The following RAB2A variants were observed in gnomAD, a reference collection of about 807,000 sequenced individuals.
RAB2A encodes ras-related protein Rab-2A.
A neutral mutation model predicts 32.5 loss-of-function variants in RAB2A; 7 were observed. The ratio of observed to expected loss-of-function variants is 0.22; its 90% CI spans 0.12 to 0.40. The LOEUF is 0.40. Ranked by LOEUF, RAB2A falls within the 10% of genes least tolerant of loss-of-function variation. RAB2A has a pLI of 1.00. For missense variants in RAB2A, 108 were observed against 260.7 expected, an observed-to-expected ratio of 0.41 and a Z score of 4.03; for synonymous variants, 79 against 85.2, an observed-to-expected ratio of 0.93 and a Z score of 0.40.
At chr8:60,532,801 C>T (rs1807497693) in intron 1 of RAB2A, among the ~76,000 whole-genome samples, 1 of 152,230 alleles carries the variant, frequency 6.6e-6, no homozygotes, top group East Asian at 1.9e-4. Context: ...TGAGCCACTG[C>T]ACTCAGCCAG....
chr8:60,550,072 C>T (rs757477554), intron 1 of RAB2A, among the ~76,000 whole-genome samples: 4 of 152,142 alleles, frequency 2.6e-5, no homozygotes, highest in Admixed American at 6.5e-5. Context: ...CACATATTCA[C>T]TTGTCTACTC....
At chr8:60,610,687 A>G (rs1804327304) in intron 6 of RAB2A, among the ~76,000 whole-genome samples, 1 of 152,156 alleles carries the variant, frequency 6.6e-6, no homozygotes, top group Admixed American at 6.5e-5. Context: ...TTTGGCCATC[A>G]TCCCCGGAAC....
In RAB2A at chr8:60,622,634, T is replaced by C. The variant is rs1483920473; in HGVS notation, c.*1865T>C. 6.6e-6 allele frequency: 1 copy of C among 152,212 alleles called. No homozygotes were observed. The highest frequency in any genetic ancestry group is 2.4e-5 in the African/African-American group (1 of 41,452). 9.4% of individuals were successfully genotyped at this position (152,212 alleles called of 1,614,324 possible). ...AGCTTCTGTTAATTTTTCCAGAAGTTTAGTGCGTTTCTTTTCCATACTTTC... is the reference window on the plus strand; with the variant it reads ...AGCTTCTGTTAATTTTTCCAGAAGTCTAGTGCGTTTCTTTTCCATACTTTC... On this transcript the variant is annotated 3_prime_UTR_variant, in exon 8 of 8. Coordinates refer to ENST00000262646, the MANE Select transcript of RAB2A (RefSeq NM_002865.3).
intron 1 of RAB2A, among the ~76,000 whole-genome samples, chr8:60,555,871 A>C (rs1029031380): frequency 6.6e-6 from 1 of 152,250 alleles, no homozygotes; most frequent in African/African-American, 2.4e-5. Flanking sequence ...AAAGGAAAAT[A>C]AATCATTATA....
chr8:60,521,142 G>C (rs759053135), intron 1 of RAB2A, among the ~76,000 whole-genome samples: 1 of 152,186 alleles, frequency 6.6e-6, no homozygotes, highest in African/African-American at 2.4e-5. Context: ...TATCTTTTTA[G>C]TTAGGAAGGT....
At chr8:60,518,753 G>A (rs1791250902) in intron 1 of RAB2A, among the ~76,000 whole-genome samples, 1 of 152,144 alleles carries the variant, frequency 6.6e-6, no homozygotes, top group African/African-American at 2.4e-5. Context: ...GAAAAATGCT[G>A]TGGTGTATTT....
intron 6 of RAB2A, among the ~76,000 whole-genome samples, chr8:60,598,962 A>AAAAAG (rs1272369024): frequency 6.8e-6 from 1 of 146,032 alleles, no homozygotes; most frequent in African/African-American, 2.6e-5. Flanking sequence ...AAAAAAAAAA[A>AAAAAG]AAAAGAAAAG....
intron 2 of RAB2A, among the ~76,000 whole-genome samples, chr8:60,566,143 G>A (rs1808109872): frequency 6.6e-6 from 1 of 152,198 alleles, no homozygotes; most frequent in Non-Finnish European, 1.5e-5. Context: ...ACTGAGTGGT[G>A]TATGTTTGGT....
At chr8:60,544,140 G>A (rs981333395) in intron 1 of RAB2A, among the ~76,000 whole-genome samples, 6 of 148,410 alleles carry the variant, frequency 4.0e-5, no homozygotes, top group Admixed American at 4.0e-4. Context: ...TGCCCAGGCT[G>A]AAGTGTAGTG....
At chr8:60,607,106 G>A (rs975796280) in intron 6 of RAB2A, among the ~76,000 whole-genome samples, 4 of 150,290 alleles carry the variant, frequency 2.7e-5, no homozygotes, top group East Asian at 1.9e-4. Context: ...TCTTTTTTTC[G>A]GGTCAATTGT....
chr8:60,519,976 A>G (rs2130802993), intron 1 of RAB2A, among the ~76,000 whole-genome samples: 1 of 152,312 alleles, frequency 6.6e-6, no homozygotes, highest in Non-Finnish European at 1.5e-5. Context: ...AGAAAAGATG[A>G]CTTTAAAATC....
chr8:60,522,162 G>A (rs775109777), intron 1 of RAB2A, among the ~76,000 whole-genome samples: 3 of 152,184 alleles, frequency 2.0e-5, no homozygotes, highest in Non-Finnish European at 2.9e-5. Flanking sequence ...AGAGAGACCT[G>A]GGCAGTACAG....
intron 1 of RAB2A, among the ~76,000 whole-genome samples, chr8:60,538,034 T>C (rs138323413): frequency 6.6e-6 from 1 of 152,324 alleles, no homozygotes; most frequent in East Asian, 1.9e-4. Flanking sequence ...CGTTTTCCAC[T>C]ATTAAGATAA....
At chr8:60,531,846 A>G (rs1807481729) in intron 1 of RAB2A, among the ~76,000 whole-genome samples, 2 of 141,930 alleles carry the variant, frequency 1.4e-5, no homozygotes, top group South Asian at 4.4e-4. Context: ...CTTGTTGCCC[A>G]GGCTATACTA....
chr8:60,554,934 A>G (rs867327262), intron 1 of RAB2A, among the ~76,000 whole-genome samples: 2 of 152,224 alleles, frequency 1.3e-5, no homozygotes, highest in Admixed American at 6.5e-5. Flanking sequence ...AATGAAAGGC[A>G]GAGTGGAGAG....
intron 6 of RAB2A, among the ~76,000 whole-genome samples, 178 bp from the exon 7 acceptor site, chr8:60,618,402 T>C (rs1233498682): frequency 6.6e-6 from 1 of 152,166 alleles, no homozygotes; most frequent in Non-Finnish European, 1.5e-5. Context: ...TTTATTAATA[T>C]AATGTATTAC....
At chr8:60,607,444 A>G (rs1333426944) in intron 6 of RAB2A, among the ~76,000 whole-genome samples, 1 of 151,482 alleles carries the variant, frequency 6.6e-6, no homozygotes, top group African/African-American at 2.4e-5. Context: ...AAAAAAAAAA[A>G]AAAAAGGTTT....
intron 1 of RAB2A, among the ~76,000 whole-genome samples, chr8:60,555,698 A>G (rs1038522202): frequency 2.0e-5 from 3 of 152,202 alleles, no homozygotes; most frequent in Non-Finnish European, 4.4e-5. Flanking sequence ...TCAAAAAGAC[A>G]AAAAAGAACA....
At chr8:60,604,993 T>G (rs1358171411) in intron 6 of RAB2A, among the ~76,000 whole-genome samples, 1 of 152,182 alleles carries the variant, frequency 6.6e-6, no homozygotes, top group East Asian at 1.9e-4. Flanking sequence ...TTTCAGAGAC[T>G]TCACAGGAGC....
Sources: gnomAD v4.1 joint callset for allele counts (sites outside exome capture counted in the v4.1 genomes callset) on GRCh38, gnomAD v4.1.1 for gene constraint, MANE v1.5 for transcripts, NCBI Gene and HGNC (gene_info 2026-07-23, HGNC 2026-07-21) for gene names.